The following CXCL16 variants were observed in gnomAD, a reference collection of about 807,000 sequenced individuals.
CXCL16 encodes the protein C-X-C motif chemokine 16.
In CXCL16, 18 loss-of-function variants were observed where a neutral mutation model predicts 23.8. The ratio of observed to expected loss-of-function variants is 0.76; its 90% CI spans 0.52 to 1.12. The LOEUF (loss-of-function observed/expected upper bound fraction) is 1.12. CXCL16 is among the 50% of genes most tolerant of loss of function. The pLI is 0.00. For synonymous variants in CXCL16, 123 were observed against 132.5 expected, an observed-to-expected ratio of 0.93 and a Z score of 0.49; for missense variants, 297 against 315.4, an observed-to-expected ratio of 0.94 and a Z score of 0.44.
chr17:4,734,653 C>G lies in CXCL16; in HGVS notation c.719-1G>C. On this transcript the variant is annotated splice_acceptor_variant, in intron 4 of 5. Transcript: ENST00000293778. LOFTEE classifies it high-confidence loss of function. ...ACAGGTATATAATGAACCGGCAGAT[C>G]TGGAAAGGATAAAGAAATTGAGAGA... The G allele has an allele frequency of 3.1e-6, 5 of 1,610,986 alleles. No individual in the cohort carries two copies. Among genetic ancestry groups the G allele is most frequent in the Non-Finnish European group, 4.2e-6 (5 of 1,177,334 alleles).
intron 4 of CXCL16, 41 bp downstream of exon 4, chr17:4,735,051 G>C: frequency 6.4e-7 from 1 of 1,560,742 alleles, no homozygotes; most frequent in Non-Finnish European, 8.7e-7. Flanking sequence ...TGTCAGGAAG[G>C]CTCTGGGTCC....
Position 4,738,476 on chromosome 17 carries a change from G to T in CXCL16, c.233C>A (p.Ser78Tyr). ...CTTGTTGCCCCCACACACGCTCCAG[G>T]AAAGGAGCTGGAACCTGCGGAGGAG... Reference protein sequence around the residue: ...CLYYTRFQLLSWSVCGGNKDP... With the variant: ...CLYYTRFQLLYWSVCGGNKDP... Residue 78 changes from serine (S) to tyrosine (Y), a missense_variant, in exon 3 of 6, where the codon TCC (serine) becomes TAC (tyrosine). Transcript: ENST00000293778. The surrounding 1 kb of genome is among the most constrained non-coding windows in gnomAD (Gnocchi z 4.0). 1 of 1,613,508 alleles carries T rather than the reference G, an allele frequency of 6.2e-7. No homozygotes were observed. Among genetic ancestry groups the T allele is most frequent in the African/African-American group, 1.3e-5 (1 of 75,040 alleles).
Position 4,739,280 on chromosome 17 carries a change from C to CAGCAGGAGCAGA in CXCL16, c.48_59dup (p.Leu17_Leu20dup). On this transcript the variant is annotated inframe_insertion, in exon 1 of 6. Coordinates refer to ENST00000293778, the MANE Select transcript of CXCL16 (RefSeq NM_001386809.1). The surrounding 1 kb of genome is among the most constrained non-coding windows in gnomAD (Gnocchi z 5.3). The stretch of plus-strand genomic sequence containing the variant: ...GCTAACCTGGCTGAGTCAGGTACAC[C>CAGCAGGAGCAGA]AGCAGGAGCAGAAGCAGGAGCAGGA... The CAGCAGGAGCAGA allele has an allele frequency of 6.2e-7, 1 of 1,607,940 alleles. No homozygotes were observed. Among genetic ancestry groups the CAGCAGGAGCAGA allele is most frequent in the Non-Finnish European group, 8.5e-7 (1 of 1,177,240 alleles).
Position 4,738,808 on chromosome 17 carries a change from A to C in CXCL16, c.192T>G (p.Ala64=). The change falls in exon 2 of 6, where the codon GCT becomes GCG. Residue 64 remains alanine (A), a synonymous_variant. Coordinates refer to ENST00000293778, the MANE Select transcript of CXCL16 (RefSeq NM_001386809.1). This position sits in a 1 kb window ranked among gnomAD's most constrained non-coding sequence, Gnocchi z 4.0. ...TCGTGTAGTATAGACACCGATGGTA[A>C]GCTCTCAGGTGTTTCCGGAGACGAT... The part of the protein sequence containing the change: ...FMNRLRKHLR[A]YHRCLYYTRF... The C allele has an allele frequency of 6.2e-7, 1 of 1,614,164 alleles. No individual in the cohort carries two copies. The highest frequency in any genetic ancestry group is 8.5e-7 in the Non-Finnish European group (1 of 1,180,004).
chr17:4,738,921 C>T lies in CXCL16; in HGVS notation c.80-1G>A, dbSNP rs769658875. ...GTGACGCTGCCCTCGTTGCCATTGC[C>T]TGCGCGGGACGGAGGTGGTCGGCAC... On this transcript the variant is annotated splice_acceptor_variant, in intron 1 of 5. Transcript: ENST00000293778. LOFTEE classifies it high-confidence loss of function. This position sits in a 1 kb window ranked among gnomAD's most constrained non-coding sequence, Gnocchi z 4.0. 3 of 1,613,650 alleles carry T rather than the reference C, an allele frequency of 1.9e-6. No individual in the cohort carries two copies. The South Asian group carries it at 3.3e-5, about 18-fold the overall frequency.
chr17:4,738,646 G>A lies in CXCL16; in HGVS notation c.218+136C>T, dbSNP rs969553648. 5.6e-6 allele frequency: 6 copies of A among 1,066,234 alleles called. No homozygotes were observed. Among genetic ancestry groups the A allele is most frequent in the Non-Finnish European group, 8.2e-6 (6 of 734,852 alleles). 66.0% of individuals were successfully genotyped at this position (1,066,234 alleles called of 1,614,324 possible). A position where few individuals can be genotyped will look rare whatever the true frequency, so the allele number is the denominator to read the frequency against. ...TGAGACGGAGTCATGAAGTTTCGGG[G>A]AATGAGAGCAAACGGAACCCGGAGA... On this transcript the variant is annotated intron_variant, in intron 2 of 5. Transcript: ENST00000293778. The surrounding 1 kb of genome is among the most constrained non-coding windows in gnomAD (Gnocchi z 4.0).
chr17:4,739,278 A>G lies in CXCL16; in HGVS notation c.62T>C (p.Val21Ala). ...CGGCTAACCTGGCTGAGTCAGGTAC[A>G]CCAGCAGGAGCAGAAGCAGGAGCAG... ...VLLLLLLLLL[V>A]YLTQPGNGNE... is the part of the protein sequence containing the mutation. The change falls in exon 1 of 6, where the codon GTG (valine) becomes GCG (alanine). Residue 21 changes from valine (V) to alanine (A), a missense_variant. Coordinates refer to ENST00000293778, the MANE Select transcript of CXCL16 (RefSeq NM_001386809.1). The surrounding 1 kb of genome is among the most constrained non-coding windows in gnomAD (Gnocchi z 5.3). 6.2e-7 allele frequency: 1 copy of G among 1,607,276 alleles called. No individual in the cohort carries two copies. The highest frequency in any genetic ancestry group is 8.5e-7 in the Non-Finnish European group (1 of 1,176,882).
At position 4,739,001 on chromosome 17, in the gene CXCL16, C is replaced by T; in HGVS notation, c.80-81G>A. 2 of 1,522,994 alleles carry T rather than the reference C, an allele frequency of 1.3e-6. No homozygotes were observed. The highest frequency in any genetic ancestry group is 1.8e-6 in the Non-Finnish European group (2 of 1,125,574). The allele number at this position is 1,522,994 out of a possible 1,614,324, so 94.3% of individuals were successfully genotyped here. ...CTGTTCCCTGGCATCCAATCCACAGCCCCATGACAGCCTCTCGGTGGACCC... is the reference window on the plus strand; with the variant it reads ...CTGTTCCCTGGCATCCAATCCACAGTCCCATGACAGCCTCTCGGTGGACCC... On this transcript the variant is annotated intron_variant, in intron 1 of 5. Transcript: ENST00000293778. The surrounding 1 kb of genome is among the most constrained non-coding windows in gnomAD (Gnocchi z 5.3).
At position 4,738,309 on chromosome 17, in the gene CXCL16, T is replaced by A; in HGVS notation, c.301+99A>T. 1.1e-6 allele frequency: 1 copy of A among 890,408 alleles called. No homozygotes were observed. Among genetic ancestry groups the A allele is most frequent in the South Asian group, 1.4e-5 (1 of 71,274 alleles). The allele number at this position is 890,408 out of a possible 1,614,324, so 55.2% of individuals were successfully genotyped here. A position where few individuals can be genotyped will look rare whatever the true frequency, so the allele number is the denominator to read the frequency against. On this transcript the variant is annotated intron_variant, in intron 3 of 5. Coordinates refer to ENST00000293778, the MANE Select transcript of CXCL16 (RefSeq NM_001386809.1). The surrounding 1 kb of genome is among the most constrained non-coding windows in gnomAD (Gnocchi z 4.0). ...CAGGATCAGAAGAAGGTTCTAGGAATGTGCGGCCCCAGGGGAAAAGGCTCA... is the reference window on the plus strand; with the variant it reads ...CAGGATCAGAAGAAGGTTCTAGGAAAGTGCGGCCCCAGGGGAAAAGGCTCA...
chr17:4,737,874 G>T (rs1916201296), intron 3 of CXCL16, among the ~76,000 whole-genome samples: 1 of 151,294 alleles, frequency 6.6e-6, no homozygotes, highest in Admixed American at 6.7e-5. Flanking sequence ...GCTCACGCCT[G>T]TAATCCTAGC....
rs1916070701 is a variant in CXCL16, at chr17:4,733,836, CAGTA to C, written c.*663_*666del. The C allele has an allele frequency of 2.0e-5, 3 of 152,748 alleles. No individual in the cohort carries two copies. In the South Asian group the frequency reaches 6.0e-4, roughly 31 times the overall value. The allele number at this position is 152,748 out of a possible 1,614,324, so 9.5% of individuals were successfully genotyped here. A position where few individuals can be genotyped will look rare whatever the true frequency, so the allele number is the denominator to read the frequency against. ...CAGCAAAAAATGAAGCCAGGAATCA[CAGTA>C]AGGGCGCAAGGGCTGAGGCCAGTTG... On this transcript the variant is annotated 3_prime_UTR_variant, in exon 6 of 6. Transcript: ENST00000293778.
chr17:4,737,740 A>G (rs1916197984), intron 3 of CXCL16, among the ~76,000 whole-genome samples: 2 of 151,314 alleles, frequency 1.3e-5, no homozygotes, highest in Non-Finnish European at 2.9e-5. Flanking sequence ...ATATACATAT[A>G]TAAATAAAAT....
rs1324454850 is a variant in CXCL16, at chr17:4,737,017, A to T, written c.301+1391T>A. Among the ~76,000 whole-genome samples, 4 of 151,844 alleles carry T rather than the reference A, an allele frequency of 2.6e-5. No homozygotes were observed. In the East Asian group the frequency reaches 7.8e-4, roughly 30 times the overall value. On this transcript the variant is annotated intron_variant, in intron 3 of 5. Coordinates refer to ENST00000293778, the MANE Select transcript of CXCL16 (RefSeq NM_001386809.1). ...TTTTTAGTAGAGATGGGGTTTTACC[A>T]TGTTGGTCAGGCTGGTCTCAAACTC...
At position 4,739,564 on chromosome 17, in the gene CXCL16, A is replaced by G; in HGVS notation, c.-225T>C. The G allele has an allele frequency of 1.4e-6, 1 of 697,358 alleles. No individual in the cohort carries two copies. The highest frequency in any genetic ancestry group is 2.2e-6 in the Non-Finnish European group (1 of 445,986). The allele number at this position is 697,358 out of a possible 1,614,324, so 43.2% of individuals were successfully genotyped here. A position where few individuals can be genotyped will look rare whatever the true frequency, so the allele number is the denominator to read the frequency against. ...CATGCCAGCCTCTGGACGCAGGGAA[A>G]GCCGAGGAGGTGGAGCTCCCGCGCC... is the stretch of plus-strand genomic sequence containing the variant. On this transcript the variant is annotated 5_prime_UTR_variant, in exon 1 of 6. Transcript: ENST00000293778. This position sits in a 1 kb window ranked among gnomAD's most constrained non-coding sequence, Gnocchi z 5.3.
At position 4,734,507 on chromosome 17, in the gene CXCL16, T is replaced by C. The variant is rs187616158; in HGVS notation, c.*24-28A>G. The C allele has an allele frequency of 3.2e-3, 3,083 of 959,624 alleles. 8 individuals carry two copies. Among genetic ancestry groups the C allele is most frequent in the Non-Finnish European group, 3.9e-3 (2,356 of 600,642 alleles). 59.4% of individuals were successfully genotyped at this position (959,624 alleles called of 1,614,324 possible). Reference sequence around the variant, plus strand: ...AAAAAACAAAAAACAAAAACAAGTATGTATACAGTGCCTACCATGTTGTCA... The same window carrying C: ...AAAAAACAAAAAACAAAAACAAGTACGTATACAGTGCCTACCATGTTGTCA... On this transcript the variant is annotated intron_variant, in intron 5 of 5. Coordinates refer to ENST00000293778, the MANE Select transcript of CXCL16 (RefSeq NM_001386809.1).
chr17:4,739,076 A>G lies in CXCL16; in HGVS notation c.80-156T>C, dbSNP rs540517831. 2 of 1,180,426 alleles carry G rather than the reference A, an allele frequency of 1.7e-6. No individual in the cohort carries two copies. Among genetic ancestry groups the G allele is most frequent in the East Asian group, 5.1e-5 (2 of 38,860 alleles). 73.1% of individuals were successfully genotyped at this position (1,180,426 alleles called of 1,614,324 possible). A position where few individuals can be genotyped will look rare whatever the true frequency, so the allele number is the denominator to read the frequency against. On this transcript the variant is annotated intron_variant, in intron 1 of 5. Coordinates refer to ENST00000293778, the MANE Select transcript of CXCL16 (RefSeq NM_001386809.1). This position sits in a 1 kb window ranked among gnomAD's most constrained non-coding sequence, Gnocchi z 5.3. ...CACACATCATCACGCCCCCGACAAC[A>G]TCCATAATCCCGCCCGGAGCCAGGC... is the stretch of plus-strand genomic sequence containing the variant.
rs916749941 is a variant in CXCL16, at chr17:4,738,313, C to T, written c.301+95G>A. ...ATCAGAAGAAGGTTCTAGGAATGTG[C>T]GGCCCCAGGGGAAAAGGCTCAGGTA... is the stretch of plus-strand genomic sequence containing the variant. On this transcript the variant is annotated intron_variant, in intron 3 of 5. Coordinates refer to ENST00000293778, the MANE Select transcript of CXCL16 (RefSeq NM_001386809.1). This position sits in a 1 kb window ranked among gnomAD's most constrained non-coding sequence, Gnocchi z 4.0. 1.8e-5 allele frequency: 17 copies of T among 932,916 alleles called. No homozygotes were observed. Among genetic ancestry groups the T allele is most frequent in the African/African-American group, 1.8e-4 (11 of 61,898 alleles). The allele number at this position is 932,916 out of a possible 1,614,324, so 57.8% of individuals were successfully genotyped here.
At chr17:4,735,799 C>G (rs1160219783) in intron 3 of CXCL16, among the ~76,000 whole-genome samples, 1 of 152,072 alleles carries the variant, frequency 6.6e-6, no homozygotes, top group African/African-American at 2.4e-5. Context: ...ATTGGCCGGG[C>G]GCGGTGGTTC....
Position 4,739,811 on chromosome 17 carries a change from C to G in CXCL16, c.-472G>C. On this transcript the variant is annotated 5_prime_UTR_variant, in exon 1 of 6. Transcript: ENST00000293778. The surrounding 1 kb of genome is among the most constrained non-coding windows in gnomAD (Gnocchi z 5.3). ...CTCCTCCGAGGCACTTTCACTTCCCCGATCCGGGCGCCGCGGGACCCAGCC... is the reference window on the plus strand; with the variant it reads ...CTCCTCCGAGGCACTTTCACTTCCCGGATCCGGGCGCCGCGGGACCCAGCC... The G allele has an allele frequency of 2.0e-6, 2 of 996,706 alleles. No individual in the cohort carries two copies. Among genetic ancestry groups the G allele is most frequent in the Middle Eastern group, 5.1e-4 (1 of 1,954 alleles). The allele number at this position is 996,706 out of a possible 1,614,324, so 61.7% of individuals were successfully genotyped here. A position where few individuals can be genotyped will look rare whatever the true frequency, so the allele number is the denominator to read the frequency against.
Sources: allele counts gnomAD v4.1 joint callset (sites outside exome capture counted in the v4.1 genomes callset), GRCh38; gene constraint gnomAD v4.1.1; non-coding constraint Gnocchi (gnomAD v3.1); transcripts MANE v1.5; gene names NCBI Gene and HGNC (gene_info 2026-07-23, HGNC 2026-07-21).